Variants in AGMO observed in about 807,000 individuals in gnomAD.
AGMO encodes the protein alkylglycerol monooxygenase.
A neutral mutation model predicts 60.2 loss-of-function variants in AGMO; 75 were observed. The observed-to-expected ratio is 1.25, with a 90% CI of 1.03 to 1.51. The LOEUF is 1.51. Ranked by LOEUF, AGMO falls within the 40% of genes most tolerant of loss-of-function variation. The pLI is 0.00. For missense variants in AGMO, 763 were observed against 525.5 expected, an observed-to-expected ratio of 1.45 and a Z score of -4.42; for synonymous variants, 261 against 177.1, an observed-to-expected ratio of 1.47 and a Z score of -3.76.
chr7:15,194,463 C>G, the AGMO span, among the ~76,000 whole-genome samples: 1 of 152,130 alleles, frequency 6.6e-6, no homozygotes, highest in Non-Finnish European at 1.5e-5. Context: ...CATATGCCCT[C>G]TGCAGTTGCA....
At chr7:15,227,570 A>G (rs886835266) in intron 12 of AGMO, among the ~76,000 whole-genome samples, 8 of 152,006 alleles carry the variant, frequency 5.3e-5, no homozygotes, top group African/African-American at 1.7e-4. Context: ...ATAAAATACA[A>G]CTGGCTAAAA....
chr7:15,335,437 G>A (rs1393769775), intron 12 of AGMO, among the ~76,000 whole-genome samples: 1 of 152,096 alleles, frequency 6.6e-6, no homozygotes, highest in East Asian at 1.9e-4. Flanking sequence ...GGTATGCAAA[G>A]CAATTATAAT....
the AGMO span, among the ~76,000 whole-genome samples, chr7:15,135,979 C>CTTTTTTTTTT: frequency 1.9e-5 from 2 of 106,854 alleles, no homozygotes; most frequent in Admixed American, 1.2e-4. Flanking sequence ...TTTTTCTTTT[C>CTTTTTTTTTT]TTTTTTTTTT....
chr7:15,129,871 C>T, the AGMO span, among the ~76,000 whole-genome samples: 1 of 152,046 alleles, frequency 6.6e-6, no homozygotes, highest in Admixed American at 6.6e-5. Context: ...CTTGTTGTCA[C>T]TTGTCAGGTA....
intron 12 of AGMO, among the ~76,000 whole-genome samples, chr7:15,252,918 G>A (rs1782980967): frequency 6.6e-6 from 1 of 152,150 alleles, no homozygotes. Context: ...AATGTGTCCA[G>A]AAAGAGGATG....
intron 3 of AGMO, among the ~76,000 whole-genome samples, chr7:15,480,540 G>A (rs189975133): frequency 6.6e-6 from 1 of 152,226 alleles, no homozygotes; most frequent in East Asian, 1.9e-4. Context: ...GTCATATTTA[G>A]GGTGAGGGTT....
chr7:15,488,310 C>A (rs2128519983), intron 3 of AGMO, among the ~76,000 whole-genome samples: 1 of 152,286 alleles, frequency 6.6e-6, no homozygotes, highest in East Asian at 1.9e-4. Flanking sequence ...TGTTTCTACT[C>A]ATTAATCATT....
intron 12 of AGMO, among the ~76,000 whole-genome samples, chr7:15,343,643 C>T (rs1781935386): frequency 6.6e-6 from 1 of 152,126 alleles, no homozygotes; most frequent in African/African-American, 2.4e-5. Flanking sequence ...AACCTCTTTG[C>T]TTCATCTCAC....
chr7:15,265,800 G>C (rs1783414433), intron 12 of AGMO, among the ~76,000 whole-genome samples: 1 of 151,946 alleles, frequency 6.6e-6, no homozygotes, highest in African/African-American at 2.4e-5. Context: ...CAAAAGAATT[G>C]AAAGCCATGT....
At chr7:15,118,712 A>G in the AGMO span, among the ~76,000 whole-genome samples, 6 of 152,152 alleles carry the variant, frequency 3.9e-5, no homozygotes, top group East Asian at 1.9e-4. Context: ...GCTCAGCTCA[A>G]TATGACTAGA....
intron 12 of AGMO, among the ~76,000 whole-genome samples, chr7:15,308,918 A>C (rs1023273004): frequency 2.6e-5 from 4 of 152,160 alleles, no homozygotes; most frequent in African/African-American, 9.6e-5. Context: ...TTAGACTTCA[A>C]AGTCCAGACT....
At chr7:15,224,923 CTT>C (rs1481381726) in intron 12 of AGMO, among the ~76,000 whole-genome samples, 1 of 151,792 alleles carries the variant, frequency 6.6e-6, no homozygotes, top group African/African-American at 2.4e-5. Context: ...AATTTTTTAA[CTT>C]GTGATAAAAA....
chr7:15,394,038 A>C (rs1386566185), intron 6 of AGMO, 75 bp downstream of exon 6: 1 of 1,072,256 alleles, frequency 9.3e-7, no homozygotes, highest in Admixed American at 1.9e-5. Context: ...AATTGTGATT[A>C]AATGAGATTA....
chr7:15,406,730 CACAT>C (rs1562491535), intron 5 of AGMO, among the ~76,000 whole-genome samples: 1 of 69,956 alleles, frequency 1.4e-5, no homozygotes, highest in African/African-American at 6.2e-5. Context: ...TGTATATACA[CACAT>C]ACATATGAAT....
intron 12 of AGMO, among the ~76,000 whole-genome samples, chr7:15,241,400 C>T (rs1782581807): frequency 1.6e-5 from 2 of 128,994 alleles, no homozygotes; most frequent in African/African-American, 3.0e-5. Context: ...GCGGAGCTTG[C>T]AGTGAGCCGG....
intron 3 of AGMO, among the ~76,000 whole-genome samples, chr7:15,433,261 A>G (rs565020962): frequency 6.6e-6 from 1 of 152,218 alleles, no homozygotes; most frequent in South Asian, 2.1e-4. Context: ...ACGGTGAAAC[A>G]AAGAATCCAC....
intron 4 of AGMO, among the ~76,000 whole-genome samples, chr7:15,425,668 G>T (rs540081175): frequency 1.3e-4 from 20 of 152,162 alleles, no homozygotes; most frequent in African/African-American, 4.8e-4. Flanking sequence ...TTGAACTCCT[G>T]GGCTCAAGCA....
chr7:15,214,966 G>A lies in AGMO; in HGVS notation c.1264-13607C>T, dbSNP rs906705496. On this transcript the variant is annotated intron_variant, in intron 12 of 12. Coordinates refer to ENST00000342526, the MANE Select transcript of AGMO (RefSeq NM_001004320.2). ...TTCTAAGTGCATCTTTGACAGCAGT[G>A]ATCCTATAAGAGCCTATGCCAACAG... is the stretch of plus-strand genomic sequence containing the variant. 3.9e-5 allele frequency among the ~76,000 whole-genome samples: 6 copies of A among 152,144 alleles called. No homozygotes were observed. In the East Asian group the frequency reaches 1.2e-3, roughly 29 times the overall value.
intron 12 of AGMO, among the ~76,000 whole-genome samples, chr7:15,226,457 G>A (rs929959651): frequency 7.9e-5 from 12 of 152,112 alleles, no homozygotes; most frequent in African/African-American, 2.4e-4. Context: ...GAAAATAGTA[G>A]ATACAAAATC....
Sources: allele counts gnomAD v4.1 joint callset (sites outside exome capture counted in the v4.1 genomes callset), GRCh38; gene constraint gnomAD v4.1.1; transcripts MANE v1.5; gene names NCBI Gene and HGNC (gene_info 2026-07-23, HGNC 2026-07-21).